Variants in MRPS25 observed in about 807,000 individuals in gnomAD.
The protein encoded by MRPS25 is mitochondrial ribosomal protein S25, also known as small ribosomal subunit protein mS25.
A neutral mutation model predicts 17.3 loss-of-function variants in MRPS25; 15 were observed. That is an observed-to-expected ratio of 0.87 (90% CI 0.58 to 1.34). The LOEUF (loss-of-function observed/expected upper bound fraction) is 1.34. Among genes scored for constraint, MRPS25 ranks in the 40% most tolerant of loss-of-function variants. The probability of loss-of-function intolerance (pLI) is 0.00; values close to 1 mark genes in which losing one functional copy is unlikely to be tolerated. For missense variants in MRPS25, 225 were observed against 218.6 expected, an observed-to-expected ratio of 1.03 and a Z score of -0.19; for synonymous variants, 94 against 83.3, an observed-to-expected ratio of 1.13 and a Z score of -0.70.
At chr3:15,062,038 G>A (rs2125138043) in intron 1 of MRPS25, among the ~76,000 whole-genome samples, 1 of 150,114 alleles carries the variant, frequency 6.7e-6, no homozygotes, top group Non-Finnish European at 1.5e-5. Context: ...CCGTCCGGGA[G>A]GGAGTTGGGG....
At chr3:15,047,805 C>T (rs933637651), downstream of MRPS25, 1 of 152,228 alleles carries the variant, frequency 6.6e-6, no homozygotes, top group Non-Finnish European at 1.5e-5. Flanking sequence ...ACTTCTCTAA[C>T]TGTAAGCATG....
Position 15,065,219 on chromosome 3 carries a change from C to G in MRPS25, c.-25G>C, listed in dbSNP as rs2125140890. 1 of 1,561,970 alleles carries G rather than the reference C, an allele frequency of 6.4e-7. No individual in the cohort carries two copies. Among genetic ancestry groups the G allele is most frequent in the Admixed American group, 1.9e-5 (1 of 52,718 alleles). On this transcript the variant is annotated 5_prime_UTR_variant, in exon 1 of 4. Transcript: ENST00000253686. Reference sequence around the variant, plus strand: ...TGGCGGCAACGGTGGCGGGGCCGACCCCACGGGCCGCGAGCCGAGCAGCGA... The same window carrying G: ...TGGCGGCAACGGTGGCGGGGCCGACGCCACGGGCCGCGAGCCGAGCAGCGA...
At chr3:15,062,846 T>C (rs150687356) in intron 1 of MRPS25, among the ~76,000 whole-genome samples, 2,940 of 152,190 alleles carry the variant, frequency 0.019, 92 homozygotes, top group African/African-American at 0.067. Context: ...AAGATGTGCT[T>C]TGTTAAACAG....
chr3:15,064,219 C>A (rs1190637717), intron 1 of MRPS25, among the ~76,000 whole-genome samples: 3 of 152,164 alleles, frequency 2.0e-5, no homozygotes, highest in East Asian at 1.9e-4. Context: ...CAGCACACAG[C>A]CTAGCACTCA....
At chr3:15,058,044 C>T (rs567615844) in intron 2 of MRPS25, among the ~76,000 whole-genome samples, 14 of 152,032 alleles carry the variant, frequency 9.2e-5, no homozygotes, top group African/African-American at 3.1e-4. Flanking sequence ...ACCACACTGG[C>T]TAAATGTTTT....
intron 2 of MRPS25, among the ~76,000 whole-genome samples, chr3:15,054,529 G>GA (rs1244144919): frequency 1.3e-5 from 2 of 152,072 alleles, no homozygotes; most frequent in Non-Finnish European, 2.9e-5. Context: ...GCAACAGAGC[G>GA]AGACTCAACC....
intron 2 of MRPS25, among the ~76,000 whole-genome samples, chr3:15,055,960 T>C (rs2042667064): frequency 1.3e-5 from 2 of 151,214 alleles, no homozygotes; most frequent in Admixed American, 1.3e-4. Flanking sequence ...ATGCCTGTAA[T>C]CCCAGCACTT....
chr3:15,044,077 C>T (rs757042503), downstream of MRPS25: 1 of 152,060 alleles, frequency 6.6e-6, no homozygotes, highest in Non-Finnish European at 1.5e-5. Context: ...TCCAAATGCC[C>T]CCTTGAAAAG....
downstream of MRPS25, chr3:15,044,575 G>C (rs770377363): frequency 3.9e-5 from 6 of 152,198 alleles, no homozygotes; most frequent in Non-Finnish European, 7.4e-5. Context: ...CAATTGCTTT[G>C]TCTTTTGCTT....
At chr3:15,045,952 T>C (rs928176907), downstream of MRPS25, 7 of 147,810 alleles carry the variant, frequency 4.7e-5, no homozygotes, top group Non-Finnish European at 1.1e-4. Context: ...TCTCAGATAA[T>C]GTTGGGTTAA....
At chr3:15,060,085 A>C (rs1369539511) in intron 1 of MRPS25, among the ~76,000 whole-genome samples, 2 of 152,100 alleles carry the variant, frequency 1.3e-5, no homozygotes, top group African/African-American at 4.8e-5. Flanking sequence ...ATCGTCCTGT[A>C]CAAAATTTGG....
At position 15,052,276 on chromosome 3, in the gene MRPS25, T is replaced by G; in HGVS notation, c.*165A>C. On this transcript the variant is annotated 3_prime_UTR_variant, in exon 4 of 4. Coordinates refer to ENST00000253686, the MANE Select transcript of MRPS25 (RefSeq NM_022497.5). ...CATTTAGCAGCTCAGCTTCAGACCC[T>G]CCTCTCCCACATCCTTTTACACAGG... The G allele has an allele frequency of 7.2e-7, 1 of 1,393,154 alleles. No individual in the cohort carries two copies. Among genetic ancestry groups the G allele is most frequent in the African/African-American group, 1.4e-5 (1 of 69,296 alleles). 86.3% of individuals were successfully genotyped at this position (1,393,154 alleles called of 1,614,324 possible).
downstream of MRPS25, chr3:15,042,816 T>TG (rs1282876005): frequency 2.5e-6 from 4 of 1,610,032 alleles, no homozygotes; most frequent in African/African-American, 4.0e-5. Flanking sequence ...CCTTTTCTAA[T>TG]GACACTCCCT....
intron 1 of MRPS25, among the ~76,000 whole-genome samples, chr3:15,061,349 GCGATTGCAGGCGC>G (rs1559329888): frequency 6.6e-6 from 1 of 152,160 alleles, no homozygotes; most frequent in Non-Finnish European, 1.5e-5. Context: ...CCCAGCGCCT[GCGATTGCAGGCGC>G]GCGCTGCCAC....
At chr3:15,055,900 CGT>C (rs1491173437) in intron 2 of MRPS25, among the ~76,000 whole-genome samples, 1 of 126,156 alleles carries the variant, frequency 7.9e-6, no homozygotes, top group African/African-American at 3.5e-5. Context: ...GAAAGCAGCC[CGT>C]TTTTTTTTTT....
chr3:15,051,812 C>T lies in MRPS25; in HGVS notation c.*629G>A. ...GGGTTGGCAGTGGCTGACTGGTCAG[C>T]AGGTACGTGCCTGAGTGAGGCTGGC... On this transcript the variant is annotated 3_prime_UTR_variant, in exon 4 of 4. Coordinates refer to ENST00000253686, the MANE Select transcript of MRPS25 (RefSeq NM_022497.5). 3.0e-6 allele frequency: 3 copies of T among 985,496 alleles called. No homozygotes were observed. The highest frequency in any genetic ancestry group is 3.6e-6 in the Non-Finnish European group (3 of 830,000). The allele number at this position is 985,496 out of a possible 1,614,324, so 61.0% of individuals were successfully genotyped here. A position where few individuals can be genotyped will look rare whatever the true frequency, so the allele number is the denominator to read the frequency against.
At chr3:15,043,829 G>C (rs1425084055), downstream of MRPS25, 2 of 152,220 alleles carry the variant, frequency 1.3e-5, no homozygotes, top group African/African-American at 4.8e-5. Flanking sequence ...ATCTGAATTG[G>C]ATTGCAACTA....
chr3:15,043,460 A>G (rs1188119800), downstream of MRPS25: 2 of 152,984 alleles, frequency 1.3e-5, no homozygotes, highest in African/African-American at 2.4e-5. Flanking sequence ...AACGTTAGCA[A>G]CATCTTGCCT....
At position 15,048,842 on chromosome 3, in the gene MRPS25, G is replaced by A. The variant is rs1376841639; in HGVS notation, c.*3599C>T. The A allele has an allele frequency of 2.6e-5, 4 of 152,610 alleles. No homozygotes were observed. The highest frequency in any genetic ancestry group is 4.4e-5 in the Non-Finnish European group (3 of 68,030). 9.5% of individuals were successfully genotyped at this position (152,610 alleles called of 1,614,324 possible). On this transcript the variant is annotated 3_prime_UTR_variant, in exon 4 of 4. Transcript: ENST00000253686. ...TGGACTTCTCTGTTAGAATGTAACT[G>A]CATTACCAGCCCTTTTAAAGGCATC...
Sources: allele counts gnomAD v4.1 joint callset (sites outside exome capture counted in the v4.1 genomes callset), GRCh38; gene constraint gnomAD v4.1.1; transcripts MANE v1.5; gene names NCBI Gene and HGNC (gene_info 2026-07-23, HGNC 2026-07-21).